TSC1: variants seen among roughly 807,000 people sequenced by gnomAD.
TSC1 encodes TSC complex subunit 1, also known as hamartin.
Under a neutral mutation model 124.3 loss-of-function variants are expected in TSC1, and 20 were observed. That is an observed-to-expected ratio of 0.16 (90% CI 0.11 to 0.23). TSC1 has a LOEUF of 0.23. Ranked by LOEUF, TSC1 falls within the 10% of genes least tolerant of loss-of-function variation. The pLI, the probability that TSC1 is intolerant of heterozygous loss-of-function variation, is 1.00. For synonymous variants in TSC1, 493 were observed against 539.1 expected (o/e 0.91, Z 1.19); for missense variants, 1,124 against 1,448.5 (o/e 0.78, Z 3.64).
At chr9:132,900,471 T>G (rs181711119) in intron 20 of TSC1, 87 of 524,578 alleles carry the variant, frequency 1.7e-4, no homozygotes, top group African/African-American at 1.6e-3. Flanking sequence ...ACTTTACACC[T>G]ACTCTCTACC....
At chr9:132,925,514 GCTTT>G in intron 5 of TSC1, 69 bp downstream of exon 5, 1 of 1,582,634 alleles carries the variant, frequency 6.3e-7, no homozygotes, top group Non-Finnish European at 8.7e-7. Context: ...TAGCTTCCTT[GCTTT>G]AAGTTGCCTA....
intron 2 of TSC1, among the ~76,000 whole-genome samples, chr9:132,930,972 T>C (rs181055097): frequency 7.9e-5 from 12 of 152,334 alleles, no homozygotes; most frequent in African/African-American, 2.9e-4. Context: ...ATCAGGTACA[T>C]ATAAACACTC....
At position 132,902,219 on chromosome 9, in the gene TSC1, G is replaced by A. The variant is rs1316458050; in HGVS notation, c.2391+386C>T. The stretch of plus-strand genomic sequence containing the variant: ...CATGCAGTGCCCAATAGGTGCACAC[G>A]AGGCATTAGTAATTGCAATTATTTT... On this transcript the variant is annotated intron_variant, in intron 18 of 22. Transcript: ENST00000298552. This position sits in a 1 kb window ranked among gnomAD's most constrained non-coding sequence, Gnocchi z 5.2. 2.0e-5 allele frequency among the ~76,000 whole-genome samples: 3 copies of A among 152,214 alleles called. No individual in the cohort carries two copies. The highest frequency in any genetic ancestry group is 7.2e-5 in the African/African-American group (3 of 41,452).
At chr9:132,901,542 A>G (rs562627346) in intron 19 of TSC1, 47 bp downstream of exon 19, 5 of 1,504,622 alleles carry the variant, frequency 3.3e-6, no homozygotes, top group Non-Finnish European at 4.6e-6. Context: ...GAAGAATGTT[A>G]GCAAATGGTG....
At chr9:132,926,332 G>C (rs1008616977) in intron 4 of TSC1, 3 of 163,060 alleles carry the variant, frequency 1.8e-5, no homozygotes, top group African/African-American at 7.2e-5. Flanking sequence ...CACCTCTTTA[G>C]AAAACAAAAC....
intron 1 of TSC1, among the ~76,000 whole-genome samples, chr9:132,942,953 TA>T (rs1487872886): frequency 2.0e-5 from 3 of 152,196 alleles, no homozygotes; most frequent in Admixed American, 2.0e-4. Context: ...TACACAACCC[TA>T]AATCAGTTTT....
chr9:132,944,594 G>C lies in TSC1; in HGVS notation c.-195C>G, dbSNP rs1295687345. On this transcript the variant is annotated 5_prime_UTR_variant, in exon 1 of 23. Transcript: ENST00000298552. ...TACCTCACAGTCCCTCCAGCCTACA[G>C]GGCGCCGCCATCTTGGACGTACAGC... 3 of 398,930 alleles carry C rather than the reference G, an allele frequency of 7.5e-6. No homozygotes were observed. The highest frequency in any genetic ancestry group is 1.3e-5 in the Non-Finnish European group (3 of 226,340). 24.7% of individuals were successfully genotyped at this position (398,930 alleles called of 1,614,324 possible).
chr9:132,934,753 T>C (rs996458462), intron 2 of TSC1, among the ~76,000 whole-genome samples: 6 of 152,272 alleles, frequency 3.9e-5, no homozygotes, highest in Non-Finnish European at 5.9e-5. Flanking sequence ...TTTAGGAAAA[T>C]TGACATGTTT....
At position 132,911,449 on chromosome 9, in the gene TSC1, A is replaced by C; in HGVS notation, c.1029+4T>G. The C allele has an allele frequency of 6.2e-7, 1 of 1,604,304 alleles. No individual in the cohort carries two copies. The highest frequency in any genetic ancestry group is 1.3e-5 in the African/African-American group (1 of 74,794). The stretch of plus-strand genomic sequence containing the variant: ...GAGAGCAGGCACACTAGTTGACACC[A>C]TACTTGTGGTGGTTCAGTTATCAGC... On this transcript the variant is annotated splice_donor_region_variant and intron_variant, in intron 10 of 22. Transcript: ENST00000298552.
chr9:132,944,813 T>C (rs1156798941), upstream of TSC1: 2 of 383,436 alleles, frequency 5.2e-6, no homozygotes, highest in Non-Finnish European at 9.2e-6. Context: ...AGGGTTTTTA[T>C]GGAGGGGGGC....
At chr9:132,907,415 C>T (rs1378342618) in intron 12 of TSC1, 45 bp from the exon 13 acceptor site, 8 of 1,483,182 alleles carry the variant, frequency 5.4e-6, no homozygotes, top group Non-Finnish European at 5.7e-6. Flanking sequence ...AAAAATGTTG[C>T]ACATGTTCTC....
At chr9:132,914,312 G>A (rs917107202) in intron 8 of TSC1, among the ~76,000 whole-genome samples, 1 of 152,116 alleles carries the variant, frequency 6.6e-6, no homozygotes, top group Admixed American at 6.5e-5. Flanking sequence ...AGCACAGCTT[G>A]TAATGGAAAG....
intron 8 of TSC1, among the ~76,000 whole-genome samples, chr9:132,917,794 A>AT (rs1487768711): frequency 1.3e-5 from 2 of 152,062 alleles, no homozygotes; most frequent in Admixed American, 6.5e-5. Flanking sequence ...TGAAATGTTT[A>AT]TTTTGGCTAT....
chr9:132,915,276 T>A (rs1399771142), intron 8 of TSC1, among the ~76,000 whole-genome samples: 5 of 151,982 alleles, frequency 3.3e-5, no homozygotes, highest in Non-Finnish European at 7.4e-5. Context: ...GCCCAGGAGT[T>A]CGAGATCAGC....
At chr9:132,945,029 C>T (rs1166339570), upstream of TSC1, among the ~76,000 whole-genome samples, 1 of 152,066 alleles carries the variant, frequency 6.6e-6, no homozygotes, top group African/African-American at 2.4e-5. Flanking sequence ...GAGCGCCCTG[C>T]CCCTGCCCCC....
At chr9:132,926,965 C>G (rs1312645647) in intron 4 of TSC1, 5 of 486,544 alleles carry the variant, frequency 1.0e-5, no homozygotes, top group South Asian at 6.0e-5. Flanking sequence ...AGCCACCACA[C>G]CCGGCCCAAA....
chr9:132,937,202 G>A (rs1047737092), intron 1 of TSC1, among the ~76,000 whole-genome samples: 1 of 152,220 alleles, frequency 6.6e-6, no homozygotes, highest in African/African-American at 2.4e-5. Context: ...CCAGCACTTT[G>A]GGAGGCCAAG....
chr9:132,936,606 T>C (rs1847468369), intron 1 of TSC1, among the ~76,000 whole-genome samples: 1 of 152,182 alleles, frequency 6.6e-6, no homozygotes, highest in African/African-American at 2.4e-5. Flanking sequence ...TATAAATACA[T>C]TTTTGTTTGC....
intron 19 of TSC1, 108 bp downstream of exon 19, chr9:132,901,481 G>T: frequency 9.6e-7 from 1 of 1,042,258 alleles, no homozygotes; most frequent in Non-Finnish European, 1.5e-6. Context: ...TTCCTGTTGG[G>T]AACCCATGAC....
Sources: gnomAD v4.1 joint callset for allele counts (sites outside exome capture counted in the v4.1 genomes callset) on GRCh38, gnomAD v4.1.1 for gene constraint, Gnocchi (gnomAD v3.1) non-coding constraint, MANE v1.5 for transcripts, NCBI Gene and HGNC (gene_info 2026-07-23, HGNC 2026-07-21) for gene names.